Variants in HERC6 observed in about 807,000 individuals in gnomAD.
HERC6 encodes the protein HECT and RLD domain containing E3 ubiquitin protein ligase family member 6, also known as probable E3 ubiquitin-protein ligase HERC6.
A neutral mutation model predicts 114.5 loss-of-function variants in HERC6; 101 were observed. The observed-to-expected ratio is 0.88, with a 90% CI of 0.75 to 1.04. The LOEUF (loss-of-function observed/expected upper bound fraction) is 1.04, where lower values mean the gene tolerates loss of function less well. Ranked by LOEUF, HERC6 falls within the 50% of genes least tolerant of loss-of-function variation. HERC6 has a pLI of 0.00. For synonymous variants in HERC6, 408 were observed against 436.2 expected, an observed-to-expected ratio of 0.94 and a Z score of 0.81; for missense variants, 1,133 against 1,230.9, an observed-to-expected ratio of 0.92 and a Z score of 1.19.
rs139115403 is a variant in HERC6, at chr4:88,408,666, T to A, written c.1368+49T>A. 10 of 1,247,796 alleles carry A rather than the reference T, an allele frequency of 8.0e-6. No homozygotes were observed. In the East Asian group the frequency reaches 2.3e-4, roughly 28 times the overall value. 77.3% of individuals were successfully genotyped at this position (1,247,796 alleles called of 1,614,324 possible). ...ATATAGAACAAATACGATTGCAGTT[T>A]ATTTTTGTTGGAAGCTGGGTGAGAT... On this transcript the variant is annotated intron_variant, in intron 11 of 22. Transcript: ENST00000264346.
chr4:88,420,391 GC>G lies in HERC6; in HGVS notation c.1713+2813del, dbSNP rs550648496. The stretch of plus-strand genomic sequence containing the variant: ...CAATTCCACAAATTCCATTTGTCGG[GC>G]TTTTGATTGTGTCTTTGACCTGGTA... On this transcript the variant is annotated intron_variant, in intron 13 of 22. Transcript: ENST00000264346. Among the ~76,000 whole-genome samples the G allele has an allele frequency of 8.0e-4, 122 of 152,162 alleles. 1 individual carries two copies. The highest frequency in any genetic ancestry group is 1.2e-3 in the Non-Finnish European group (84 of 68,004).
intron 10 of HERC6, among the ~76,000 whole-genome samples, chr4:88,406,284 C>A (rs1735811221): frequency 6.6e-6 from 1 of 152,182 alleles, no homozygotes; most frequent in Non-Finnish European, 1.5e-5. Flanking sequence ...TTTGCCTGTC[C>A]CTCCCTTGTT....
rs560035597 is a variant in HERC6, at chr4:88,403,537, G to A, written c.1093-1339G>A. Among the ~76,000 whole-genome samples the A allele has an allele frequency of 3.9e-5, 6 of 152,250 alleles. No individual in the cohort carries two copies. The East Asian group carries it at 7.7e-4, about 20-fold the overall frequency. ...TGGGAGGCCGAGGCGGGTGGATCACGAGGTCAGGAGATGGAGACCATCCTG... is the reference window on the plus strand; with the variant it reads ...TGGGAGGCCGAGGCGGGTGGATCACAAGGTCAGGAGATGGAGACCATCCTG... On this transcript the variant is annotated intron_variant, in intron 8 of 22. Coordinates refer to ENST00000264346, the MANE Select transcript of HERC6 (RefSeq NM_017912.4).
intron 11 of HERC6, among the ~76,000 whole-genome samples, chr4:88,412,410 G>A (rs1241933034): frequency 3.9e-5 from 6 of 152,090 alleles, no homozygotes; most frequent in African/African-American, 1.4e-4. Context: ...GTTTGAGACT[G>A]GCCTGGGCAA....
intron 5 of HERC6, among the ~76,000 whole-genome samples, chr4:88,394,627 C>T (rs984426109): frequency 6.6e-6 from 1 of 151,370 alleles, no homozygotes; most frequent in South Asian, 2.1e-4. Flanking sequence ...TCACTGCAAC[C>T]TTCGCCTCCC....
At chr4:88,390,462 G>T (rs1734847151) in intron 3 of HERC6, among the ~76,000 whole-genome samples, 190 bp from the exon 4 acceptor site, 1 of 152,096 alleles carries the variant, frequency 6.6e-6, no homozygotes. Context: ...TTAATTAGCT[G>T]ATTGCGACAA....
intron 8 of HERC6, among the ~76,000 whole-genome samples, chr4:88,402,198 G>T (rs2148888912): frequency 6.6e-6 from 1 of 152,290 alleles, no homozygotes; most frequent in Non-Finnish European, 1.5e-5. Context: ...TCAGAGAAGA[G>T]AACATTTCCA....
Position 88,442,580 on chromosome 4 carries a change from G to A in HERC6, c.*120G>A, listed in dbSNP as rs1578445681. 7 of 775,962 alleles carry A rather than the reference G, an allele frequency of 9.0e-6. No individual in the cohort carries two copies. In the South Asian group the frequency reaches 1.2e-4, roughly 13 times the overall value. The allele number at this position is 775,962 out of a possible 1,614,324, so 48.1% of individuals were successfully genotyped here. Reference sequence around the variant, plus strand: ...TAGAAGTAGTTGAGGGAGAGATTGGGGGAATGGGGAGATGATGATGATGGT... The same window carrying A: ...TAGAAGTAGTTGAGGGAGAGATTGGAGGAATGGGGAGATGATGATGATGGT... On this transcript the variant is annotated 3_prime_UTR_variant, in exon 23 of 23. Transcript: ENST00000264346.
chr4:88,426,447 C>T (rs532308957), intron 15 of HERC6, among the ~76,000 whole-genome samples: 2 of 151,192 alleles, frequency 1.3e-5, no homozygotes, highest in African/African-American at 2.4e-5. Flanking sequence ...GGATTACAGG[C>T]GTGAGCCACC....
At chr4:88,406,191 G>A (rs1735806734) in intron 10 of HERC6, among the ~76,000 whole-genome samples, 1 of 152,224 alleles carries the variant, frequency 6.6e-6, no homozygotes, top group South Asian at 2.1e-4. Flanking sequence ...GCAGTGTAGA[G>A]GGTCTTAGGC....
At position 88,428,659 on chromosome 4, in the gene HERC6, T is replaced by C; in HGVS notation, c.2015T>C (p.Phe672Ser). 4.4e-6 allele frequency: 7 copies of C among 1,607,912 alleles called. No homozygotes were observed. Among genetic ancestry groups the C allele is most frequent in the Non-Finnish European group, 4.2e-6 (5 of 1,177,178 alleles). ...KKDEFPPSPRFILRVRRSRLV... is the reference protein window; with the variant it reads ...KKDEFPPSPRSILRVRRSRLV... Reference sequence around the variant, plus strand: ...GATGAATTTCCTCCATCACCCAGATTTATACTTAGAGTCAGACGAAGTCGC... The same window carrying C: ...GATGAATTTCCTCCATCACCCAGATCTATACTTAGAGTCAGACGAAGTCGC... Residue 672 changes from phenylalanine to serine, a missense_variant, in exon 16 of 23, where the codon TTT becomes TCT. Transcript: ENST00000264346.
chr4:88,384,145 C>T (rs1468209641), intron 2 of HERC6, among the ~76,000 whole-genome samples: 1 of 152,114 alleles, frequency 6.6e-6, no homozygotes, highest in Non-Finnish European at 1.5e-5. Flanking sequence ...AGATAGACCA[C>T]CCATTACTAT....
chr4:88,393,134 G>A (rs1735007442), intron 4 of HERC6, among the ~76,000 whole-genome samples: 2 of 152,104 alleles, frequency 1.3e-5, no homozygotes, highest in African/African-American at 2.4e-5. Flanking sequence ...CAATAGCCTC[G>A]GGCATTCCGG....
intron 15 of HERC6, among the ~76,000 whole-genome samples, chr4:88,424,941 G>A (rs900172238): frequency 2.0e-5 from 3 of 152,010 alleles, no homozygotes; most frequent in Non-Finnish European, 2.9e-5. Context: ...TGTCCTACTC[G>A]TGTTCACTGT....
intron 11 of HERC6, among the ~76,000 whole-genome samples, chr4:88,412,348 G>A (rs776196789): frequency 2.6e-5 from 4 of 152,158 alleles, no homozygotes; most frequent in Non-Finnish European, 4.4e-5. Flanking sequence ...GCTCATGCCT[G>A]TAATCCTAGC....
intron 10 of HERC6, among the ~76,000 whole-genome samples, chr4:88,406,559 T>A (rs1274658522): frequency 6.6e-6 from 1 of 152,158 alleles, no homozygotes; most frequent in Non-Finnish European, 1.5e-5. Context: ...ATTGTTTTCT[T>A]CCTAATGTGA....
At chr4:88,420,904 C>T (rs926590891) in intron 13 of HERC6, among the ~76,000 whole-genome samples, 2 of 152,162 alleles carry the variant, frequency 1.3e-5, no homozygotes, top group Admixed American at 1.3e-4. Flanking sequence ...TACCCATTAG[C>T]AGTCACTCCC....
intron 5 of HERC6, among the ~76,000 whole-genome samples, chr4:88,395,196 T>G (rs1289932320): frequency 6.6e-6 from 1 of 152,194 alleles, no homozygotes; most frequent in Non-Finnish European, 1.5e-5. Flanking sequence ...TTGGATTATA[T>G]TATTCTCAAT....
chr4:88,396,854 T>C lies in HERC6; in HGVS notation c.891T>C (p.Tyr297=). 1 of 1,570,428 alleles carries C rather than the reference T, an allele frequency of 6.4e-7. No homozygotes were observed. Among genetic ancestry groups the C allele is most frequent in the Non-Finnish European group, 8.7e-7 (1 of 1,155,816 alleles). Residue 297 remains tyrosine (Y), a synonymous_variant, in exon 7 of 23, where the codon TAT becomes TAC. Transcript: ENST00000264346. ...TGGTGTATTCTCTTTCCTGTAGTTA[T>C]CACACCCTGGCATATGTGCACACCA... ...GLVSQIDCGS[Y]HTLAYVHTTG...
Sources: gnomAD v4.1 joint callset for allele counts (sites outside exome capture counted in the v4.1 genomes callset) on GRCh38, gnomAD v4.1.1 for gene constraint, MANE v1.5 for transcripts, NCBI Gene and HGNC (gene_info 2026-07-23, HGNC 2026-07-21) for gene names.